ATRNL1: variants seen among roughly 807,000 people sequenced by gnomAD.
ATRNL1 encodes the protein attractin like 1, also known as attractin-like protein 1.
ATRNL1 carries 95 observed loss-of-function variants against 182.7 expected under a neutral mutation model. The observed-to-expected ratio is 0.52, with a 90% CI of 0.44 to 0.62. ATRNL1 has a LOEUF of 0.62. ATRNL1 is among the 20% of genes least tolerant of loss of function. The probability of loss-of-function intolerance (pLI) is 0.00; values close to 1 mark genes in which losing one functional copy is unlikely to be tolerated. For synonymous variants in ATRNL1, 576 were observed against 568.3 expected, an observed-to-expected ratio of 1.01 and a Z score of -0.19; for missense variants, 1,471 against 1,679.5, an observed-to-expected ratio of 0.88 and a Z score of 2.17.
At chr10:115,865,746 G>A (rs569253510) in intron 28 of ATRNL1, among the ~76,000 whole-genome samples, 23 of 152,118 alleles carry the variant, frequency 1.5e-4, no homozygotes, top group Non-Finnish European at 3.1e-4. Context: ...GTGTGACGCC[G>A]TATGCTGAGT....
intron 13 of ATRNL1, among the ~76,000 whole-genome samples, chr10:115,269,256 CTA>C (rs1483006642): frequency 6.6e-6 from 1 of 152,028 alleles, no homozygotes; most frequent in African/African-American, 2.4e-5. Context: ...TCTAAACATT[CTA>C]TGTTATGTAG....
intron 28 of ATRNL1, among the ~76,000 whole-genome samples, chr10:115,868,853 G>T (rs1425164377): frequency 4.3e-5 from 2 of 46,524 alleles, no homozygotes; most frequent in Non-Finnish European, 9.7e-5. Context: ...TTTTTGAGAC[G>T]GAGTCTCGCT....
At chr10:115,674,103 C>A (rs180677505) in intron 26 of ATRNL1, among the ~76,000 whole-genome samples, 2 of 152,014 alleles carry the variant, frequency 1.3e-5, no homozygotes, top group Non-Finnish European at 2.9e-5. Flanking sequence ...TCTTTGATGA[C>A]CAGAAGAAAT....
intron 27 of ATRNL1, among the ~76,000 whole-genome samples, chr10:115,847,624 GA>G (rs1188877246): frequency 1.3e-5 from 2 of 152,070 alleles, no homozygotes; most frequent in African/African-American, 4.8e-5. Flanking sequence ...AAACAATTGG[GA>G]AAAAGGAACA....
chr10:115,310,657 T>G (rs782780756), intron 17 of ATRNL1, among the ~76,000 whole-genome samples: 1 of 152,220 alleles, frequency 6.6e-6, no homozygotes, highest in Non-Finnish European at 1.5e-5. Context: ...TCTTTTGTAT[T>G]TCTGTGATGT....
intron 28 of ATRNL1, among the ~76,000 whole-genome samples, chr10:115,883,068 T>A (rs1488694040): frequency 6.6e-6 from 1 of 152,144 alleles, no homozygotes; most frequent in Non-Finnish European, 1.5e-5. Context: ...CTCTTGATAA[T>A]CCCAAACTCC....
chr10:115,734,378 C>A (rs1947888789), intron 27 of ATRNL1, among the ~76,000 whole-genome samples: 1 of 151,772 alleles, frequency 6.6e-6, no homozygotes, highest in African/African-American at 2.4e-5. Context: ...TAAATGTTAC[C>A]TTCTTTCTTT....
At chr10:115,913,611 A>G (rs1267755874) in intron 28 of ATRNL1, among the ~76,000 whole-genome samples, 1 of 152,234 alleles carries the variant, frequency 6.6e-6, no homozygotes, top group Non-Finnish European at 1.5e-5. Context: ...TATTACTACT[A>G]CTGCCTCTAA....
In ATRNL1 at chr10:115,727,344, G is replaced by C. The variant is rs782090354; in HGVS notation, c.3892G>C (p.Gly1298Arg). 5 of 1,613,664 alleles carry C rather than the reference G, an allele frequency of 3.1e-6. No homozygotes were observed. The East Asian group carries it at 1.1e-4, about 36-fold the overall frequency. Residue 1298 changes from glycine to arginine, a missense_variant, in exon 27 of 29, where the codon GGG (glycine) becomes CGG (arginine). Gly to Arg is a moderately radical substitution (Grantham distance 125). This residue lies in a region of ATRNL1 where 437 missense variants were observed against 506.0 expected (regional missense o/e 0.86). Coordinates refer to ENST00000355044, the MANE Select transcript of ATRNL1 (RefSeq NM_207303.4). ...VGAEQTEFLR[G>R]PLEGAPKPIA... ...AGCTGAACAAACAGAGTTTCTGCGA[G>C]GGCCATTAGAGGTAGGAACAGCGGT... is the stretch of plus-strand genomic sequence containing the variant.
chr10:115,916,948 C>G (rs1459440847), intron 28 of ATRNL1, among the ~76,000 whole-genome samples: 2 of 152,230 alleles, frequency 1.3e-5, no homozygotes, highest in Non-Finnish European at 2.9e-5. Context: ...CTGTCAGGAA[C>G]TGCCTCTAGG....
At chr10:115,747,446 T>G (rs1474145093) in intron 27 of ATRNL1, among the ~76,000 whole-genome samples, 1 of 152,128 alleles carries the variant, frequency 6.6e-6, no homozygotes, top group Non-Finnish European at 1.5e-5. Flanking sequence ...GTGGTAATAC[T>G]GGGAATAGAT....
At chr10:115,584,394 T>A (rs1855360254) in intron 26 of ATRNL1, among the ~76,000 whole-genome samples, 1 of 136,910 alleles carries the variant, frequency 7.3e-6, no homozygotes, top group Non-Finnish European at 1.6e-5. Flanking sequence ...TCTTTTTGGT[T>A]GGTAAGCTAT....
At position 115,362,982 on chromosome 10, in the gene ATRNL1, C is replaced by T. The variant is rs1408919127; in HGVS notation, c.3175+28563C>T. 3.3e-5 allele frequency among the ~76,000 whole-genome samples: 5 copies of T among 152,042 alleles called. No individual in the cohort carries two copies. The East Asian group carries it at 5.8e-4, about 18-fold the overall frequency. On this transcript the variant is annotated intron_variant, in intron 19 of 28. Transcript: ENST00000355044. Reference sequence around the variant, plus strand: ...TGTGAATAGTGCTGCAATAAACATACGTGTGCATGTGTCTTTATAGCAGCA... The same window carrying T: ...TGTGAATAGTGCTGCAATAAACATATGTGTGCATGTGTCTTTATAGCAGCA...
At chr10:115,588,761 G>C (rs1422588314) in intron 26 of ATRNL1, among the ~76,000 whole-genome samples, 1 of 152,034 alleles carries the variant, frequency 6.6e-6, no homozygotes, top group Admixed American at 6.6e-5. Context: ...ACTAGTTTCT[G>C]GTTTTCTCCA....
chr10:115,185,698 A>C (rs1466753153), intron 8 of ATRNL1, among the ~76,000 whole-genome samples: 1 of 152,004 alleles, frequency 6.6e-6, no homozygotes, highest in Non-Finnish European at 1.5e-5. Context: ...GTGGGTATGA[A>C]ATTTTTTTAT....
In ATRNL1 at chr10:115,223,929, A is replaced by ATATATTTTTT. The variant is rs1420143943; in HGVS notation, c.1532+8050_1532+8051insATATTTTTTT. On this transcript the variant is annotated intron_variant, in intron 9 of 28. Transcript: ENST00000355044. ...TGTGTGTGTGTATATATATATATAT[A>ATATATTTTTT]TTTTTTTTTTTTTTTTTTTTCTTTG... Among the ~76,000 whole-genome samples the ATATATTTTTT allele has an allele frequency of 3.2e-3, 145 of 44,712 alleles. 5 individuals carry two copies. The highest frequency in any genetic ancestry group is 4.6e-3 in the Non-Finnish European group (103 of 22,270). The allele number at this position is 44,712 out of a possible 152,430, so 29.3% of individuals were successfully genotyped here. A position where few individuals can be genotyped will look rare whatever the true frequency, so the allele number is the denominator to read the frequency against.
chr10:115,209,373 C>T (rs1848930019), intron 8 of ATRNL1, among the ~76,000 whole-genome samples: 1 of 147,924 alleles, frequency 6.8e-6, no homozygotes, highest in African/African-American at 2.5e-5. Context: ...CACAGGATCA[C>T]AGTGTAATGC....
chr10:115,524,262 G>T (rs1554986008), intron 25 of ATRNL1, among the ~76,000 whole-genome samples: 1 of 152,130 alleles, frequency 6.6e-6, no homozygotes, highest in African/African-American at 2.4e-5. Flanking sequence ...ATTTGATTTG[G>T]AGGATCAAAT....
intron 26 of ATRNL1, among the ~76,000 whole-genome samples, chr10:115,662,375 A>T (rs968419017): frequency 6.6e-5 from 10 of 152,246 alleles, no homozygotes; most frequent in Non-Finnish European, 1.5e-4. Context: ...ACTGTAAACT[A>T]GTTCAACCAT....
Sources: allele counts gnomAD v4.1 joint callset (sites outside exome capture counted in the v4.1 genomes callset), GRCh38; gene constraint gnomAD v4.1.1; regional missense constraint gnomAD v4.1.1; transcripts MANE v1.5; gene names NCBI Gene and HGNC (gene_info 2026-07-23, HGNC 2026-07-21).